Variants in WRN observed in about 807,000 individuals in gnomAD.
The protein encoded by WRN is bifunctional 3'-5' exonuclease/ATP-dependent helicase WRN.
In WRN, 149 loss-of-function variants were observed where a neutral mutation model predicts 180.7. The ratio of observed to expected loss-of-function variants is 0.82; its 90% CI spans 0.72 to 0.94. The LOEUF is 0.94. Among genes scored for constraint, WRN ranks in the 40% least tolerant of loss-of-function variants. The pLI, the probability that WRN is intolerant of heterozygous loss-of-function variation, is 0.00. For missense variants in WRN, 1,661 were observed against 1,700.1 expected (o/e 0.98, Z 0.40); for synonymous variants, 548 against 568.9 (o/e 0.96, Z 0.52).
chr8:31,120,411 A>G lies in WRN; in HGVS notation c.2617A>G (p.Ile873Val), dbSNP rs1563363216. ...SCHVLWAPAD[I>V]NLNRHLLTEI... is the part of the protein sequence containing the mutation. ...TCACGTCCTCTGGGCTCCTGCAGAC[A>G]TTAACTTAAATAGGTAAAAAAAATT... is the stretch of plus-strand genomic sequence containing the variant. Residue 873 changes from isoleucine (I) to valine (V), a missense_variant, in exon 21 of 35, where the codon ATT becomes GTT. Transcript: ENST00000298139. 3.1e-6 allele frequency: 5 copies of G among 1,612,176 alleles called. No individual in the cohort carries two copies. Among genetic ancestry groups the G allele is most frequent in the East Asian group, 2.2e-5 (1 of 44,832 alleles).
intron 18 of WRN, among the ~76,000 whole-genome samples, chr8:31,110,689 A>C (rs1030236639): frequency 1.3e-5 from 2 of 152,176 alleles, no homozygotes; most frequent in Non-Finnish European, 2.9e-5. Context: ...AGTGCATCTG[A>C]AGAGCTATTT....
chr8:31,121,211 G>T (rs998089913), intron 21 of WRN, among the ~76,000 whole-genome samples: 1 of 152,000 alleles, frequency 6.6e-6, no homozygotes, highest in Non-Finnish European at 1.5e-5. Flanking sequence ...CAATGGGGCT[G>T]CCAAGCTGAT....
At chr8:31,041,310 C>A (rs1157556208) in intron 1 of WRN, among the ~76,000 whole-genome samples, 1 of 152,194 alleles carries the variant, frequency 6.6e-6, no homozygotes, top group African/African-American at 2.4e-5. Context: ...AGCTCAAAGA[C>A]AGGCAGAGGG....
At chr8:31,054,355 C>G (rs1348033318) in intron 1 of WRN, among the ~76,000 whole-genome samples, 2 of 152,138 alleles carry the variant, frequency 1.3e-5, no homozygotes, top group Non-Finnish European at 2.9e-5. Context: ...TACTGAAAGA[C>G]AAATATATTC....
At chr8:31,166,976 A>G (rs1803904872) in intron 33 of WRN, 46 bp from the exon 34 acceptor site, 2 of 1,545,834 alleles carry the variant, frequency 1.3e-6, no homozygotes, top group Admixed American at 1.7e-5. Flanking sequence ...TTTCTAAAAT[A>G]TTCTCTGTAA....
At chr8:31,169,609 G>A (rs929246956) in intron 34 of WRN, among the ~76,000 whole-genome samples, 1 of 152,020 alleles carries the variant, frequency 6.6e-6, no homozygotes, top group African/African-American at 2.4e-5. Flanking sequence ...GCTCATTTTC[G>A]TATGAGATTA....
intron 17 of WRN, among the ~76,000 whole-genome samples, chr8:31,097,835 C>A (rs990147809): frequency 2.6e-5 from 4 of 152,124 alleles, no homozygotes; most frequent in Non-Finnish European, 5.9e-5. Flanking sequence ...GAATTGCAAT[C>A]ATGGCTTCTA....
Position 31,120,345 on chromosome 8 carries a change from G to T in WRN, c.2551G>T (p.Glu851Ter), listed in dbSNP as rs1428459485. 1 of 1,612,816 alleles carries T rather than the reference G, an allele frequency of 6.2e-7. No individual in the cohort carries two copies. Among genetic ancestry groups the T allele is most frequent in the Non-Finnish European group, 8.5e-7 (1 of 1,179,138 alleles). ...TAAGGACATGGAATCATATTATCAG[G>T]AGATTGGTAGAGCTGGTCGTGATGG... Reference protein sequence around the residue: ...APKDMESYYQEIGRAGRDGLQ... With the variant: ...APKDMESYYQ Residue 851 changes from glutamate (E) to a stop codon, truncating the protein, a stop_gained, in exon 21 of 35, where the codon GAG becomes TAG. Coordinates refer to ENST00000298139, the MANE Select transcript of WRN (RefSeq NM_000553.6). LOFTEE classifies it high-confidence loss of function.
chr8:31,145,614 G>T (rs890041407), intron 28 of WRN, among the ~76,000 whole-genome samples: 1 of 152,172 alleles, frequency 6.6e-6, no homozygotes, highest in Non-Finnish European at 1.5e-5. Flanking sequence ...CATGGATCAA[G>T]AAGTAAATTA....
intron 17 of WRN, among the ~76,000 whole-genome samples, chr8:31,097,112 A>T (rs562880381): frequency 6.6e-6 from 1 of 152,324 alleles, no homozygotes; most frequent in African/African-American, 2.4e-5. Context: ...TAAACTTTTC[A>T]AGGGAAAAAT....
At chr8:31,132,687 A>G (rs1435637979) in intron 24 of WRN, among the ~76,000 whole-genome samples, 181 bp downstream of exon 24, 1 of 152,206 alleles carries the variant, frequency 6.6e-6, no homozygotes, top group Non-Finnish European at 1.5e-5. Context: ...ACCCGTGTGT[A>G]TGGCATCTTC....
chr8:31,100,747 A>G (rs1266592635), intron 17 of WRN, 102 bp from the exon 18 acceptor site: 1 of 981,208 alleles, frequency 1.0e-6, no homozygotes. Flanking sequence ...TAGGAACCAA[A>G]TACTTTGATT....
Position 31,067,054 on chromosome 8 carries a change from AGCC to A in WRN, c.527_529del (p.Ser176_Leu177delinsIle). ...CTAGCTGAAATGCACAGAGACCTGG[AGCC>A]TTAACAGTCTGGTTAAACACCTCTT... is the stretch of plus-strand genomic sequence containing the variant. On this transcript the variant is annotated inframe_deletion, in exon 6 of 35. Coordinates refer to ENST00000298139, the MANE Select transcript of WRN (RefSeq NM_000553.6). 1 of 1,613,894 alleles carries A rather than the reference AGCC, an allele frequency of 6.2e-7. No homozygotes were observed. Among genetic ancestry groups the A allele is most frequent in the Non-Finnish European group, 8.5e-7 (1 of 1,179,934 alleles).
In WRN at chr8:31,174,712, C is replaced by T. The variant is rs1804212966; in HGVS notation, c.*1610C>T. Among the ~76,000 whole-genome samples, 1 of 151,578 alleles carries T rather than the reference C, an allele frequency of 6.6e-6. No individual in the cohort carries two copies. The highest frequency in any genetic ancestry group is 2.1e-4 in the South Asian group (1 of 4,800). Reference sequence around the variant, plus strand: ...TCTGATTCTTCTTCTTCTCCTTCTTCCTTCTTCCTTCCTTCCTCCTCCTCC... The same window carrying T: ...TCTGATTCTTCTTCTTCTCCTTCTTTCTTCTTCCTTCCTTCCTCCTCCTCC... On this transcript the variant is annotated 3_prime_UTR_variant, in exon 35 of 35. Transcript: ENST00000298139.
intron 1 of WRN, among the ~76,000 whole-genome samples, chr8:31,047,983 T>C (rs1447102875): frequency 1.3e-5 from 2 of 152,244 alleles, no homozygotes; most frequent in Non-Finnish European, 2.9e-5. Context: ...TTTTATCCTT[T>C]ACCCTTGTTA....
intron 8 of WRN, among the ~76,000 whole-genome samples, chr8:31,076,948 C>T (rs1028891104): frequency 3.3e-5 from 5 of 152,098 alleles, no homozygotes; most frequent in Non-Finnish European, 1.5e-5. Flanking sequence ...AGGATGACTT[C>T]CTTATTAAAT....
At chr8:31,134,277 AT>A (rs1802310120) in intron 24 of WRN, among the ~76,000 whole-genome samples, 1 of 152,168 alleles carries the variant, frequency 6.6e-6, no homozygotes. Context: ...TTTGTACATG[AT>A]TTTGAGCTGT....
intron 23 of WRN, among the ~76,000 whole-genome samples, chr8:31,128,094 AC>A (rs1160458535): frequency 2.6e-5 from 4 of 152,072 alleles, no homozygotes; most frequent in East Asian, 1.9e-4. Context: ...AAAAAAAAAA[AC>A]AAACTTAAAA....
intron 14 of WRN, 116 bp downstream of exon 14, chr8:31,090,648 C>CT: frequency 1.7e-6 from 2 of 1,192,772 alleles, no homozygotes; most frequent in South Asian, 2.7e-5. Flanking sequence ...ATGATGTAAA[C>CT]TATAGAAGAG....
Sources: gnomAD v4.1 joint callset for allele counts (sites outside exome capture counted in the v4.1 genomes callset) on GRCh38, gnomAD v4.1.1 for gene constraint, MANE v1.5 for transcripts, NCBI Gene and HGNC (gene_info 2026-07-23, HGNC 2026-07-21) for gene names.